Variants in FUT8 observed in about 807,000 individuals in gnomAD.
The protein encoded by FUT8 is alpha-(1,6)-fucosyltransferase.
Under a neutral mutation model 71.3 loss-of-function variants are expected in FUT8, and 29 were observed. The ratio of observed to expected loss-of-function variants is 0.41; its 90% CI spans 0.30 to 0.55. FUT8 has a LOEUF of 0.55. FUT8 is among the 20% of genes least tolerant of loss of function. The probability of loss-of-function intolerance (pLI) is 0.34; values close to 1 mark genes in which losing one functional copy is unlikely to be tolerated. For synonymous variants in FUT8, 254 were observed against 239.3 expected (o/e 1.06, Z -0.57); for missense variants, 544 against 702.1 (o/e 0.77, Z 2.55).
chr14:65,666,596 T>C (rs373950166), intron 6 of FUT8, among the ~76,000 whole-genome samples: 4 of 152,038 alleles, frequency 2.6e-5, no homozygotes, highest in African/African-American at 9.6e-5. Context: ...GCCATACGTA[T>C]AAGAAGACCT....
intron 7 of FUT8, among the ~76,000 whole-genome samples, chr14:65,698,037 GT>G (rs1385168302): frequency 1.3e-5 from 2 of 151,710 alleles, no homozygotes; most frequent in East Asian, 3.9e-4. Context: ...TAAATGTAAT[GT>G]TTAATTTTTG....
Position 65,467,633 on chromosome 14 carries a change from C to T in FUT8, c.-228+11915C>T, listed in dbSNP as rs528294653. 6.6e-4 allele frequency among the ~76,000 whole-genome samples: 101 copies of T among 152,188 alleles called. No homozygotes were observed. Among genetic ancestry groups the T allele is most frequent in the African/African-American group, 2.2e-3 (92 of 41,534 alleles). On this transcript the variant is annotated intron_variant, in intron 2 of 10. Transcript: ENST00000673929. This position sits in a 1 kb window ranked among gnomAD's most constrained non-coding sequence, Gnocchi z 4.1. ...CTGGAATTAGAGGCGCCCATCACCA[C>T]GCCCAGCTAATTTTTTGTATTTTTA...
Position 65,561,724 on chromosome 14 carries a change from A to G in FUT8, c.161A>G (p.Lys54Arg). Residue 54 changes from lysine to arginine, a missense_variant, in exon 3 of 11, where the codon AAA becomes AGA. Physicochemically the swap from Lys to Arg is conservative, Grantham distance 26 (BLOSUM62 2). Coordinates refer to ENST00000673929, the MANE Select transcript of FUT8 (RefSeq NM_001371533.1). ...ATTCTGGCAAAGCTTGAACGCTTAA[A>G]ACAACAGAATGAAGACTTGAGGCGA... ...SKILAKLERLKQQNEDLRRMA... is the reference protein window; with the variant it reads ...SKILAKLERLRQQNEDLRRMA... 6.2e-7 allele frequency: 1 copy of G among 1,613,586 alleles called. No individual in the cohort carries two copies. The highest frequency in any genetic ancestry group is 8.5e-7 in the Non-Finnish European group (1 of 1,179,650).
At chr14:65,698,234 A>G (rs1349719335) in intron 7 of FUT8, among the ~76,000 whole-genome samples, 2 of 152,216 alleles carry the variant, frequency 1.3e-5, no homozygotes, top group Non-Finnish European at 2.9e-5. Flanking sequence ...ATAACTTCTT[A>G]CATTACTGAA....
chr14:65,721,852 C>T lies in FUT8; in HGVS notation c.913C>T (p.Pro305Ser). 1 of 1,614,182 alleles carries T rather than the reference C, an allele frequency of 6.2e-7. No individual in the cohort carries two copies. Reference sequence around the variant, plus strand: ...TCTTCATCCCCGTCCTCCATATTTACCCTTGGCTGTACCAGAAGACCTCGC... The same window carrying T: ...TCTTCATCCCCGTCCTCCATATTTATCCTTGGCTGTACCAGAAGACCTCGC... Reference protein sequence around the residue: ...DSLHPRPPYLPLAVPEDLADR... With the variant: ...DSLHPRPPYLSLAVPEDLADR... Residue 305 changes from proline to serine, a missense_variant, in exon 8 of 11, where the codon CCC (proline) becomes TCC (serine). By Grantham distance (74) the Pro-to-Ser change is moderately conservative. Coordinates refer to ENST00000673929, the MANE Select transcript of FUT8 (RefSeq NM_001371533.1).
At chr14:65,687,442 T>C (rs1332156194) in intron 7 of FUT8, among the ~76,000 whole-genome samples, 1 of 152,210 alleles carries the variant, frequency 6.6e-6, no homozygotes, top group Non-Finnish European at 1.5e-5. Flanking sequence ...ATGCCAAATC[T>C]GTTTATTTAG....
Position 65,561,653 on chromosome 14 carries a change from A to T in FUT8, c.90A>T (p.Val30=). The change falls in exon 3 of 11, where the codon GTA becomes GTT. Residue 30 remains valine (V), a synonymous_variant. Transcript: ENST00000673929. The part of the protein sequence containing the change: ...TLLFYIGGHL[V]RDNDHPDHSS... ...TGTTTTATATAGGTGGTCACTTGGT[A>T]CGAGATAATGACCATCCTGATCACT... is the stretch of plus-strand genomic sequence containing the variant. 2 of 1,613,552 alleles carry T rather than the reference A, an allele frequency of 1.2e-6. No homozygotes were observed. The highest frequency in any genetic ancestry group is 1.7e-6 in the Non-Finnish European group (2 of 1,179,564).
chr14:65,612,810 T>C (rs942314074), intron 3 of FUT8, among the ~76,000 whole-genome samples: 11 of 152,218 alleles, frequency 7.2e-5, no homozygotes, highest in Non-Finnish European at 1.2e-4. Flanking sequence ...CATTGTTTAA[T>C]ACATCTAACC....
rs10143944 is a variant in FUT8, at chr14:65,678,656, G to A, written c.835+9176G>A. 9.8e-3 allele frequency among the ~76,000 whole-genome samples: 1,486 copies of A among 152,284 alleles called. 24 individuals are homozygous for A. The highest frequency in any genetic ancestry group is 0.034 in the African/African-American group (1,427 of 41,558). ...AGAAGCAAAAATAGGCCCCTGTGAA[G>A]CCTCTACTCTGTGGGAGCTAACGCT... is the stretch of plus-strand genomic sequence containing the variant. On this transcript the variant is annotated intron_variant, in intron 7 of 10. Transcript: ENST00000673929.
rs368628662 is a variant in FUT8, at chr14:65,650,104, C to G, written c.598-19139C>G. Among the ~76,000 whole-genome samples, 937 of 146,728 alleles carry G rather than the reference C, an allele frequency of 6.4e-3. 10 individuals carry two copies. Among genetic ancestry groups the G allele is most frequent in the African/African-American group, 0.02 (836 of 41,226 alleles). On this transcript the variant is annotated intron_variant, in intron 6 of 10. Coordinates refer to ENST00000673929, the MANE Select transcript of FUT8 (RefSeq NM_001371533.1). ...GAGGTCAGGAGATCAAGACCATCCT[C>G]GCTAACACAGTGAAACCCCGTCTCT...
chr14:65,374,387 T>A, the FUT8 span, among the ~76,000 whole-genome samples: 7 of 152,172 alleles, frequency 4.6e-5, no homozygotes, highest in African/African-American at 1.7e-4. Context: ...TGGATAAACA[T>A]GGATTTTTCT....
At position 65,692,600 on chromosome 14, in the gene FUT8, C is replaced by T. The variant is rs563371045; in HGVS notation, c.835+23120C>T. ...CTCCCGGACGGGGCGGCTGGCTGGG[C>T]GGGGGGCTGACCCCCACCCCCCTCC... On this transcript the variant is annotated intron_variant, in intron 7 of 10. Coordinates refer to ENST00000673929, the MANE Select transcript of FUT8 (RefSeq NM_001371533.1). Among the ~76,000 whole-genome samples, 293 of 146,326 alleles carry T rather than the reference C, an allele frequency of 2.0e-3. 2 individuals carry two copies. The highest frequency in any genetic ancestry group is 6.8e-3 in the African/African-American group (266 of 39,160).
chr14:65,714,437 T>G (rs934750956), intron 7 of FUT8, among the ~76,000 whole-genome samples: 1 of 150,406 alleles, frequency 6.6e-6, no homozygotes, highest in African/African-American at 2.4e-5. Context: ...ATTTATTTAT[T>G]TATTTATTTA....
chr14:65,457,145 T>A (rs1299146433), intron 2 of FUT8, among the ~76,000 whole-genome samples: 1 of 152,204 alleles, frequency 6.6e-6, no homozygotes, highest in Non-Finnish European at 1.5e-5. Flanking sequence ...AAGTGTATGT[T>A]TGTACCCATT....
upstream of FUT8, among the ~76,000 whole-genome samples, chr14:65,407,103 T>C (rs763504953): frequency 2.0e-5 from 3 of 152,176 alleles, no homozygotes; most frequent in African/African-American, 2.4e-5. Context: ...TGGGGGGCCA[T>C]TGGTAACTGA....
intron 10 of FUT8, 71 bp downstream of exon 10, chr14:65,733,452 T>G (rs1896071572): frequency 1.8e-6 from 2 of 1,132,342 alleles, no homozygotes; most frequent in African/African-American, 3.2e-5. Context: ...AAATTATTTG[T>G]GTGTCTATGT....
In FUT8 at chr14:65,638,945, A is replaced by G. The variant is rs1890699159; in HGVS notation, c.597+9339A>G. On this transcript the variant is annotated intron_variant, in intron 6 of 10. Coordinates refer to ENST00000673929, the MANE Select transcript of FUT8 (RefSeq NM_001371533.1). The surrounding 1 kb of genome is among the most constrained non-coding windows in gnomAD (Gnocchi z 4.5). ...AACTACATTAAAATATTTGCTAAAT[A>G]TTTAATACAACTGGGATGGGCAGAA... Among the ~76,000 whole-genome samples, 1 of 152,228 alleles carries G rather than the reference A, an allele frequency of 6.6e-6. No individual in the cohort carries two copies. The highest frequency in any genetic ancestry group is 2.4e-5 in the African/African-American group (1 of 41,456).
intron 2 of FUT8, among the ~76,000 whole-genome samples, chr14:65,485,170 C>T (rs564757248): frequency 6.7e-6 from 1 of 149,988 alleles, no homozygotes; most frequent in Non-Finnish European, 1.5e-5. Context: ...TACTTCGTCT[C>T]TATTAAAAAA....
At chr14:65,738,115 G>A (rs1031087659) in intron 10 of FUT8, among the ~76,000 whole-genome samples, 2 of 152,074 alleles carry the variant, frequency 1.3e-5, no homozygotes, top group African/African-American at 4.8e-5. Flanking sequence ...GCTCTATCTA[G>A]CTTACAATGC....
Sources: gnomAD v4.1 joint callset for allele counts (sites outside exome capture counted in the v4.1 genomes callset) on GRCh38, gnomAD v4.1.1 for gene constraint, Gnocchi (gnomAD v3.1) non-coding constraint, MANE v1.5 for transcripts, NCBI Gene and HGNC (gene_info 2026-07-23, HGNC 2026-07-21) for gene names.